CEP83: variants seen among roughly 807,000 people sequenced by gnomAD.
CEP83 encodes the protein centrosomal protein 83.
Under a neutral mutation model 101.9 loss-of-function variants are expected in CEP83, and 70 were observed. That is an observed-to-expected ratio of 0.69 (90% CI 0.57 to 0.84). The LOEUF is 0.84. Among genes scored for constraint, CEP83 ranks in the 40% least tolerant of loss-of-function variants. The probability of loss-of-function intolerance (pLI) is 0.00; values close to 1 mark genes in which losing one functional copy is unlikely to be tolerated. For synonymous variants in CEP83, 264 were observed against 267.9 expected (o/e 0.99, Z 0.14); for missense variants, 715 against 787.2 (o/e 0.91, Z 1.10).
intron 11 of CEP83, among the ~76,000 whole-genome samples, chr12:94,350,410 A>T (rs1484999723): frequency 6.6e-6 from 1 of 152,214 alleles, no homozygotes; most frequent in Admixed American, 6.5e-5. Flanking sequence ...GTCAACAAAC[A>T]GTGTTGGGAA....
At chr12:94,402,933 A>T (rs1230901266) in intron 5 of CEP83, 2 of 300,576 alleles carry the variant, frequency 6.7e-6, no homozygotes, top group Admixed American at 1.0e-4. Flanking sequence ...TTAAAAATAA[A>T]AATAAAGAAA....
the CEP83 span, among the ~76,000 whole-genome samples, chr12:94,286,761 T>G: frequency 2.0e-5 from 3 of 152,160 alleles, no homozygotes; most frequent in African/African-American, 4.8e-5. Flanking sequence ...TTCCTCCTAC[T>G]ATCTAAACAA....
chr12:94,290,044 C>T, the CEP83 span, among the ~76,000 whole-genome samples: 1 of 152,184 alleles, frequency 6.6e-6, no homozygotes, highest in African/African-American at 2.4e-5. Context: ...TCAGAAGGCC[C>T]ATCCGAGGTA....
chr12:94,408,316 T>G (rs2137717551), intron 4 of CEP83, among the ~76,000 whole-genome samples: 1 of 152,336 alleles, frequency 6.6e-6, no homozygotes, highest in South Asian at 2.1e-4. Context: ...AATACTGCTA[T>G]GCCAAAAATT....
intron 8 of CEP83, among the ~76,000 whole-genome samples, chr12:94,370,506 T>G (rs764475437): frequency 4.6e-5 from 7 of 152,190 alleles, no homozygotes; most frequent in Non-Finnish European, 7.3e-5. Flanking sequence ...TCCAAGTAGC[T>G]GTCAGGACTA....
At chr12:94,420,808 T>C (rs1034483862) in intron 2 of CEP83, among the ~76,000 whole-genome samples, 8 of 152,012 alleles carry the variant, frequency 5.3e-5, no homozygotes, top group Non-Finnish European at 1.0e-4. Context: ...TTATTACAAA[T>C]ATATAAAGTT....
At chr12:94,304,431 A>C (rs1968794176), downstream of CEP83, 1 of 166,116 alleles carries the variant, frequency 6.0e-6, no homozygotes, top group African/African-American at 2.4e-5. Context: ...TTCAATCGTT[A>C]TATGAAATTA....
At chr12:94,347,531 A>G (rs2059997191) in intron 11 of CEP83, among the ~76,000 whole-genome samples, 2 of 152,242 alleles carry the variant, frequency 1.3e-5, no homozygotes, top group African/African-American at 4.8e-5. Flanking sequence ...TATACTTAAC[A>G]TATGACTTAG....
At chr12:94,366,883 G>T (rs943705765) in intron 11 of CEP83, among the ~76,000 whole-genome samples, 20 of 152,062 alleles carry the variant, frequency 1.3e-4, no homozygotes, top group African/African-American at 4.6e-4. Context: ...TATGTCAAAA[G>T]GACATGGGAT....
the CEP83 span, among the ~76,000 whole-genome samples, chr12:94,287,722 A>G: frequency 6.6e-6 from 1 of 152,264 alleles, no homozygotes; most frequent in South Asian, 2.1e-4. Flanking sequence ...AAGTAAGGTC[A>G]GCAATGCTTC....
chr12:94,299,226 C>CAGAT, the CEP83 span, among the ~76,000 whole-genome samples: 2 of 152,176 alleles, frequency 1.3e-5, no homozygotes, highest in Non-Finnish European at 2.9e-5. Flanking sequence ...GTGCAGTACT[C>CAGAT]AGATACTATG....
intron 1 of CEP83, among the ~76,000 whole-genome samples, chr12:94,440,015 C>A (rs566317219): frequency 6.6e-6 from 1 of 152,100 alleles, no homozygotes; most frequent in Non-Finnish European, 1.5e-5. Flanking sequence ...TCTGCAACAT[C>A]GGCATAGAAG....
intron 11 of CEP83, among the ~76,000 whole-genome samples, chr12:94,358,759 C>T (rs2060599535): frequency 6.6e-6 from 1 of 152,230 alleles, no homozygotes; most frequent in African/African-American, 2.4e-5. Context: ...CAAGAAGTAG[C>T]TCACCATGAC....
chr12:94,446,064 G>T (rs1440247678), intron 1 of CEP83, among the ~76,000 whole-genome samples: 1 of 152,166 alleles, frequency 6.6e-6, no homozygotes, highest in Non-Finnish European at 1.5e-5. Flanking sequence ...GATTATTTTT[G>T]AACTGCATGA....
the CEP83 span, chr12:94,298,880 G>A: frequency 7.8e-7 from 1 of 1,289,302 alleles, no homozygotes; most frequent in Non-Finnish European, 1.1e-6. Context: ...GTTATAGAAG[G>A]ATTCATTTAT....
At chr12:94,300,014 T>C in the CEP83 span, among the ~76,000 whole-genome samples, 1 of 152,098 alleles carries the variant, frequency 6.6e-6, no homozygotes, top group African/African-American at 2.4e-5. Context: ...GGGGAGGTAA[T>C]GAGCTAGGCC....
intron 11 of CEP83, among the ~76,000 whole-genome samples, chr12:94,355,229 C>A (rs751640555): frequency 6.6e-6 from 1 of 152,178 alleles, no homozygotes; most frequent in East Asian, 1.9e-4. Context: ...CACAGTGGCT[C>A]ACACCTGTAA....
At chr12:94,274,551 TGCCAAGGAAATAGGAAGAGGCAGG>T in the CEP83 span, among the ~76,000 whole-genome samples, 9 of 152,194 alleles carry the variant, frequency 5.9e-5, no homozygotes, top group Admixed American at 5.9e-4. Context: ...GACACTTTCC[TGCCAAGGAAATAGGAAGAGGCAGG>T]GCAGTCCCTC....
chr12:94,436,717 G>C (rs1043104808), intron 1 of CEP83, among the ~76,000 whole-genome samples: 2 of 151,680 alleles, frequency 1.3e-5, no homozygotes, highest in African/African-American at 4.8e-5. Context: ...TGTAGTCCCA[G>C]CTACTCGGGA....
Sources: gnomAD v4.1 joint callset for allele counts (sites outside exome capture counted in the v4.1 genomes callset) on GRCh38, gnomAD v4.1.1 for gene constraint, MANE v1.5 for transcripts, NCBI Gene and HGNC (gene_info 2026-07-23, HGNC 2026-07-21) for gene names.